The following MRPL13 variants were observed in gnomAD, a reference collection of about 807,000 sequenced individuals.
MRPL13 encodes the protein large ribosomal subunit protein uL13m.
MRPL13 carries 33 observed loss-of-function variants against 29.0 expected under a neutral mutation model. That is an observed-to-expected ratio of 1.14 (90% CI 0.86 to 1.52). The LOEUF (loss-of-function observed/expected upper bound fraction) is 1.52, where lower values mean the gene tolerates loss of function less well. Among genes scored for constraint, MRPL13 ranks in the 40% most tolerant of loss-of-function variants. The pLI is 0.00. For synonymous variants in MRPL13, 77 were observed against 68.4 expected, an observed-to-expected ratio of 1.13 and a Z score of -0.62; for missense variants, 227 against 216.7, an observed-to-expected ratio of 1.05 and a Z score of -0.30.
chr8:120,444,960 GGT>G, intron 1 of MRPL13, 106 bp downstream of exon 1: 2 of 1,465,146 alleles, frequency 1.4e-6, no homozygotes, highest in South Asian at 2.3e-5. Flanking sequence ...CTTGGCCGAG[GGT>G]CTCGGCTTCC....
At position 120,432,030 on chromosome 8, in the gene MRPL13, C is replaced by A; in HGVS notation, c.245G>T (p.Gly82Val). The A allele has an allele frequency of 6.3e-7, 1 of 1,588,468 alleles. No homozygotes were observed. Among genetic ancestry groups the A allele is most frequent in the South Asian group, 1.1e-5 (1 of 87,120 alleles). Residue 82 changes from glycine to valine, a missense_variant and splice_region_variant, in exon 3 of 7, where the codon GGC becomes GTC. Transcript: ENST00000306185. ...WEQKVYSSHT[G>V]YPGGFRQVTA... ...TTCCCTGACAACAGCATTATCTTAC[C>A]CAGTATGCGAAGAGTATACTTTTTG...
intron 6 of MRPL13, among the ~76,000 whole-genome samples, chr8:120,403,217 T>C (rs1009574475): frequency 1.3e-5 from 2 of 152,210 alleles, no homozygotes; most frequent in Non-Finnish European, 1.5e-5. Context: ...ATTGCAGCAC[T>C]ATTCACAATA....
At chr8:120,431,962 A>G in intron 3 of MRPL13, 68 bp downstream of exon 3, 1 of 1,099,208 alleles carries the variant, frequency 9.1e-7, no homozygotes, top group Non-Finnish European at 1.3e-6. Flanking sequence ...CTTTTAAGTA[A>G]GAACAACTGT....
At chr8:120,396,418 T>C (rs1812525337) in intron 6 of MRPL13, among the ~76,000 whole-genome samples, 1 of 152,164 alleles carries the variant, frequency 6.6e-6, no homozygotes, top group Admixed American at 6.5e-5. Context: ...CTGTTCCATT[T>C]TTAAACTTTT....
At chr8:120,431,983 T>C in intron 3 of MRPL13, 47 bp downstream of exon 3, 1 of 1,295,452 alleles carries the variant, frequency 7.7e-7, no homozygotes, top group Admixed American at 2.2e-5. Flanking sequence ...ATTCTTAAAG[T>C]AATATATTTT....
chr8:120,444,992 A>T, intron 1 of MRPL13, 76 bp downstream of exon 1: 2 of 1,600,012 alleles, frequency 1.2e-6, no homozygotes, highest in East Asian at 2.2e-5. Context: ...CAGCTTCACT[A>T]CTTAATCTGC....
rs551323757 is a variant in MRPL13 at position 120,444,412 on chromosome 8, T to C, written c.27+656A>G. Among the ~76,000 whole-genome samples the C allele has an allele frequency of 6.0e-4, 91 of 152,246 alleles. 1 individual carries two copies. Among genetic ancestry groups the C allele is most frequent in the African/African-American group, 2.1e-3 (86 of 41,552 alleles). ...CTCAGTTGATGACACACCCTCCAGT[T>C]GGACAAACCAAAAAACCTTGGGGTA... On this transcript the variant is annotated intron_variant, in intron 1 of 6. Coordinates refer to ENST00000306185, the MANE Select transcript of MRPL13 (RefSeq NM_014078.6).
At chr8:120,435,637 T>G (rs1024436486) in intron 2 of MRPL13, among the ~76,000 whole-genome samples, 10 of 152,122 alleles carry the variant, frequency 6.6e-5, no homozygotes, top group Non-Finnish European at 1.5e-4. Context: ...TGACGTATCT[T>G]TGCTATTATG....
chr8:120,412,770 T>TG (rs1044286311), intron 6 of MRPL13, among the ~76,000 whole-genome samples: 5 of 152,278 alleles, frequency 3.3e-5, no homozygotes, highest in East Asian at 3.9e-4. Context: ...CCTGCCCCCT[T>TG]GAAGCTGACA....
At chr8:120,399,000 G>A (rs1443881340) in intron 6 of MRPL13, among the ~76,000 whole-genome samples, 1 of 151,878 alleles carries the variant, frequency 6.6e-6, no homozygotes, top group Non-Finnish European at 1.5e-5. Flanking sequence ...ATGGGACTAT[G>A]TAAAAACCTA....
chr8:120,420,076 T>C (rs1430965465), intron 4 of MRPL13, 138 bp from the exon 5 acceptor site: 3 of 449,556 alleles, frequency 6.7e-6, no homozygotes, highest in Non-Finnish European at 1.1e-5. Flanking sequence ...TAAGTGGATA[T>C]GTGGAAGCAA....
intron 6 of MRPL13, among the ~76,000 whole-genome samples, chr8:120,411,205 G>T (rs1272361185): frequency 6.6e-6 from 1 of 152,044 alleles, no homozygotes; most frequent in Non-Finnish European, 1.5e-5. Context: ...GGGACTACAG[G>T]TGTGTGCTAA....
chr8:120,430,247 G>A (rs1235998034), intron 3 of MRPL13, among the ~76,000 whole-genome samples: 1 of 152,124 alleles, frequency 6.6e-6, no homozygotes, highest in South Asian at 2.1e-4. Flanking sequence ...GGATGACAGA[G>A]CAAGACTTCA....
intron 2 of MRPL13, among the ~76,000 whole-genome samples, chr8:120,440,558 T>C (rs1394266391): frequency 2.0e-5 from 3 of 150,248 alleles, no homozygotes; most frequent in African/African-American, 4.9e-5. Flanking sequence ...TGAGCCAAGA[T>C]TGGGCCACTG....
chr8:120,439,227 A>G (rs1813088641), intron 2 of MRPL13, among the ~76,000 whole-genome samples: 1 of 152,130 alleles, frequency 6.6e-6, no homozygotes, highest in Non-Finnish European at 1.5e-5. Context: ...TTCATTTTCT[A>G]TGTAGTGCTA....
At chr8:120,436,082 T>C (rs1813051232) in intron 2 of MRPL13, among the ~76,000 whole-genome samples, 1 of 152,158 alleles carries the variant, frequency 6.6e-6, no homozygotes, top group Non-Finnish European at 1.5e-5. Context: ...TAAATGAATA[T>C]GCAATATGCC....
intron 5 of MRPL13, among the ~76,000 whole-genome samples, chr8:120,419,188 G>T (rs1812840423): frequency 6.6e-6 from 1 of 151,934 alleles, no homozygotes; most frequent in Admixed American, 6.6e-5. Flanking sequence ...AGAAAACAGA[G>T]ATAAGTAACG....
chr8:120,419,162 G>A (rs2130467189), intron 5 of MRPL13, among the ~76,000 whole-genome samples: 1 of 151,932 alleles, frequency 6.6e-6, no homozygotes, highest in South Asian at 2.1e-4. Context: ...CTATTATTAT[G>A]TCAACTTCAC....
intron 6 of MRPL13, among the ~76,000 whole-genome samples, chr8:120,408,610 G>A (rs778936282): frequency 2.0e-4 from 30 of 152,124 alleles, no homozygotes; most frequent in Non-Finnish European, 4.0e-4. Flanking sequence ...TAAATTGTGT[G>A]GAGAAAATGC....
Sources: allele counts gnomAD v4.1 joint callset (sites outside exome capture counted in the v4.1 genomes callset), GRCh38; gene constraint gnomAD v4.1.1; transcripts MANE v1.5; gene names NCBI Gene and HGNC (gene_info 2026-07-23, HGNC 2026-07-21).